B4GALNT3: variants seen among roughly 807,000 people sequenced by gnomAD.
B4GALNT3 encodes the protein beta-1,4-N-acetylgalactosaminyltransferase 3.
A neutral mutation model predicts 120.2 loss-of-function variants in B4GALNT3; 86 were observed. The ratio of observed to expected loss-of-function variants is 0.72; its 90% confidence interval spans 0.60 to 0.86. B4GALNT3 has a LOEUF of 0.86. Ranked by LOEUF, B4GALNT3 falls within the 40% of genes least tolerant of loss-of-function variation. The pLI is 0.00. For synonymous variants in B4GALNT3, 518 were observed against 510.4 expected (o/e 1.01, Z -0.20); for missense variants, 1,167 against 1,298.9 (o/e 0.90, Z 1.56).
intron 1 of B4GALNT3, among the ~76,000 whole-genome samples, chr12:529,158 C>T (rs1369108389): frequency 6.6e-6 from 1 of 152,174 alleles, no homozygotes; most frequent in Non-Finnish European, 1.5e-5. Context: ...CTAATGGAGC[C>T]CTGCCCCAAA....
chr12:490,380 C>G (rs543914185), intron 1 of B4GALNT3, among the ~76,000 whole-genome samples: 19 of 152,170 alleles, frequency 1.2e-4, no homozygotes, highest in Middle Eastern at 3.4e-3. Flanking sequence ...AAACAAATTA[C>G]TAATGTCACA....
At chr12:472,832 G>A (rs367727227) in intron 1 of B4GALNT3, among the ~76,000 whole-genome samples, 5 of 152,108 alleles carry the variant, frequency 3.3e-5, no homozygotes, top group African/African-American at 9.7e-5. Context: ...ATATTTTTGC[G>A]TCTATCTCCA....
chr12:472,284 T>A (rs967331265), intron 1 of B4GALNT3, among the ~76,000 whole-genome samples: 4 of 152,168 alleles, frequency 2.6e-5, no homozygotes, highest in Admixed American at 1.3e-4. Flanking sequence ...GATTAACTGA[T>A]GTTTTTTATT....
chr12:502,143 A>G (rs11063300), intron 1 of B4GALNT3, among the ~76,000 whole-genome samples: 10,924 of 152,252 alleles, frequency 0.072, 976 homozygotes, highest in African/African-American at 0.22. Flanking sequence ...ATGAGGATTG[A>G]GTTGCCTTCC....
rs560986851 is a variant in B4GALNT3 at position 516,752 on chromosome 12, C to A, written c.170-18414C>A. ...CCAAGCAAGGACTGGCATGGCCTGA[C>A]TTACATTTTGGTGGAGTTCCTCTGG... On this transcript the variant is annotated intron_variant, in intron 1 of 19. Transcript: ENST00000266383. Among the ~76,000 whole-genome samples, 40 of 152,250 alleles carry A rather than the reference C, an allele frequency of 2.6e-4. No individual in the cohort carries two copies. In the East Asian group the frequency reaches 7.7e-3, roughly 29 times the overall value.
At chr12:538,754 G>A (rs1946886517) in intron 3 of B4GALNT3, among the ~76,000 whole-genome samples, 1 of 152,088 alleles carries the variant, frequency 6.6e-6, no homozygotes, top group South Asian at 2.1e-4. Flanking sequence ...AGGAAGGAAG[G>A]TCCTGGAGAG....
At chr12:537,754 A>T (rs1450959671) in intron 3 of B4GALNT3, among the ~76,000 whole-genome samples, 1 of 152,190 alleles carries the variant, frequency 6.6e-6, no homozygotes, top group Non-Finnish European at 1.5e-5. Flanking sequence ...GGCCCTGCGG[A>T]CACAGATTAC....
At chr12:476,407 A>G (rs1946185914) in intron 1 of B4GALNT3, among the ~76,000 whole-genome samples, 1 of 152,198 alleles carries the variant, frequency 6.6e-6, no homozygotes, top group Admixed American at 6.5e-5. Context: ...CCTGGGCAAC[A>G]TAGCAAGACC....
At chr12:539,571 A>G (rs934043730) in intron 3 of B4GALNT3, among the ~76,000 whole-genome samples, 5 of 151,734 alleles carry the variant, frequency 3.3e-5, no homozygotes, top group Admixed American at 3.3e-4. Context: ...AGCTTTATTG[A>G]ACTGTAATTC....
At chr12:544,247 C>T (rs372901533) in intron 3 of B4GALNT3, 92 bp from the exon 4 acceptor site, 70 of 1,167,784 alleles carry the variant, frequency 6.0e-5, no homozygotes, top group East Asian at 2.6e-4. Flanking sequence ...GGGTCTGGGG[C>T]GGGCATGGGA....
intron 1 of B4GALNT3, among the ~76,000 whole-genome samples, chr12:469,371 C>T (rs4980827): frequency 0.97 from 148,312 of 152,280 alleles, 72,358 homozygotes; most frequent in East Asian, 1. Context: ...TTCCCATCTC[C>T]TCCCTCTCAG....
chr12:556,520 T>C (rs1395589697), intron 14 of B4GALNT3, 27 bp from the exon 15 acceptor site: 1 of 1,592,780 alleles, frequency 6.3e-7, no homozygotes, highest in Non-Finnish European at 8.6e-7. Flanking sequence ...AAGGAACCAC[T>C]CAGCCTCCCC....
Position 460,556 on chromosome 12 carries a change from C to G in B4GALNT3, c.169+11C>G. 7.0e-7 allele frequency: 1 copy of G among 1,436,780 alleles called. No homozygotes were observed. The highest frequency in any genetic ancestry group is 2.8e-5 in the East Asian group (1 of 35,590). 89.0% of individuals were successfully genotyped at this position (1,436,780 alleles called of 1,614,324 possible). ...ACCCCCTGAACCGGAGTAAGTAGCA[C>G]CCAGGGGAGGCGAAGGGCGCGGGGG... On this transcript the variant is annotated intron_variant, in intron 1 of 19. Transcript: ENST00000266383. This position sits in a 1 kb window ranked among gnomAD's most constrained non-coding sequence, Gnocchi z 8.0.
Position 553,683 on chromosome 12 carries a change from G to A in B4GALNT3, c.1760G>A (p.Trp587Ter). ...CGGCCTCAGGCCCCTGGAAGGGGCT[G>A]GCATGGGGAGGAGGAAGTGGTGGCG... ...RMRPQAPGRG[W>*]HGEEEVVAAA... The change falls in exon 14 of 20, where the codon TGG becomes TAG. Residue 587 changes from tryptophan (W) to a stop codon, truncating the protein, a stop_gained. Transcript: ENST00000266383. LOFTEE classifies it high-confidence loss of function. The A allele has an allele frequency of 1.2e-6, 2 of 1,614,134 alleles. No individual in the cohort carries two copies. Among genetic ancestry groups the A allele is most frequent in the Non-Finnish European group, 1.7e-6 (2 of 1,179,976 alleles).
intron 1 of B4GALNT3, among the ~76,000 whole-genome samples, chr12:461,767 C>T (rs1471522498): frequency 3.9e-5 from 6 of 152,144 alleles, no homozygotes; most frequent in African/African-American, 1.4e-4. Context: ...TGAGCTGGTT[C>T]AGGTTGGAAA....
intron 1 of B4GALNT3, among the ~76,000 whole-genome samples, chr12:496,123 G>A (rs1946385204): frequency 1.3e-5 from 2 of 152,016 alleles, no homozygotes; most frequent in Admixed American, 6.6e-5. Context: ...CCCTGTCCAG[G>A]ATCATGGCAG....
intron 2 of B4GALNT3, 25 bp downstream of exon 2, chr12:535,294 C>T (rs933508616): frequency 3.8e-6 from 6 of 1,597,606 alleles, no homozygotes; most frequent in South Asian, 1.1e-5. Context: ...AGTCCATTGT[C>T]CCTGCTGATG....
intron 7 of B4GALNT3, 43 bp downstream of exon 7, chr12:546,756 T>A (rs1236615465): frequency 1.3e-6 from 2 of 1,526,916 alleles, no homozygotes; most frequent in African/African-American, 2.8e-5. Flanking sequence ...CCTCGGTGCC[T>A]CGGTGGAGCC....
rs373093339 is a variant in B4GALNT3 at position 553,930 on chromosome 12, A to G, written c.2007A>G (p.Glu669=). 81 of 1,613,458 alleles carry G rather than the reference A, an allele frequency of 5.0e-5. No individual in the cohort carries two copies. Among genetic ancestry groups the G allele is most frequent in the Non-Finnish European group, 6.9e-5 (81 of 1,179,524 alleles). ...GCAACCTGCTGCTTCCAGAGCAGGAAGCTCTGGAGGTCACGCGAGTCTTCT... is the reference window on the plus strand; with the variant it reads ...GCAACCTGCTGCTTCCAGAGCAGGAGGCTCTGGAGGTCACGCGAGTCTTCT... The part of the protein sequence containing the change: ...TSGNLLLPEQ[E]ALEVTRVFLK... The change falls in exon 14 of 20, where the codon GAA becomes GAG. Residue 669 remains glutamate (E), a synonymous_variant. Transcript: ENST00000266383.
Sources: gnomAD v4.1 joint callset for allele counts (sites outside exome capture counted in the v4.1 genomes callset) on GRCh38, gnomAD v4.1.1 for gene constraint, Gnocchi (gnomAD v3.1) non-coding constraint, MANE v1.5 for transcripts, NCBI Gene and HGNC (gene_info 2026-07-23, HGNC 2026-07-21) for gene names.